The following GRM4 variants were observed in gnomAD, a reference collection of about 807,000 sequenced individuals.
GRM4 encodes the protein glutamate metabotropic receptor 4.
Under a neutral mutation model 81.7 loss-of-function variants are expected in GRM4, and 28 were observed. The ratio of observed to expected loss-of-function variants is 0.34; its 90% CI spans 0.25 to 0.47. The LOEUF (loss-of-function observed/expected upper bound fraction) is 0.47, where lower values mean the gene tolerates loss of function less well. Ranked by LOEUF, GRM4 falls within the 20% of genes least tolerant of loss-of-function variation. The pLI is 1.00. For synonymous variants in GRM4, 488 were observed against 528.8 expected, an observed-to-expected ratio of 0.92 and a Z score of 1.06; for missense variants, 948 against 1,290.0, an observed-to-expected ratio of 0.73 and a Z score of 4.06.
At chr6:34,113,492 C>A (rs961626937) in intron 2 of GRM4, among the ~76,000 whole-genome samples, 1 of 152,190 alleles carries the variant, frequency 6.6e-6, no homozygotes, top group Admixed American at 6.5e-5. Context: ...TGTTGAAATG[C>A]CCACTTTATA....
Position 34,018,737 on chromosome 6 carries a change from T to A in GRM4, c.*4084A>T, listed in dbSNP as rs1763766155. On this transcript the variant is annotated 3_prime_UTR_variant, in exon 11 of 11. Transcript: ENST00000538487. ...TTACCTAAAAATAAAGCAAGAAGCC[T>A]CATTACATGCTAATTGCTGCTTTTG... 6.6e-6 allele frequency: 1 copy of A among 152,146 alleles called. No homozygotes were observed. Among genetic ancestry groups the A allele is most frequent in the Non-Finnish European group, 1.5e-5 (1 of 68,022 alleles). The allele number at this position is 152,146 out of a possible 1,614,324, so 9.4% of individuals were successfully genotyped here.
intron 1 of GRM4, among the ~76,000 whole-genome samples, chr6:34,142,213 C>T (rs1192206541): frequency 2.0e-5 from 3 of 152,182 alleles, no homozygotes; most frequent in African/African-American, 7.2e-5. Context: ...CTTCTGCAGC[C>T]CCGGTGAGTG....
chr6:34,027,982 C>T, intron 10 of GRM4, 138 bp downstream of exon 10: 2 of 935,020 alleles, frequency 2.1e-6, no homozygotes, highest in Non-Finnish European at 3.1e-6. Flanking sequence ...CCTCAGGGTT[C>T]CCCCAGTGTC....
intron 2 of GRM4, among the ~76,000 whole-genome samples, chr6:34,123,786 C>T (rs1050924725): frequency 2.0e-5 from 3 of 152,236 alleles, no homozygotes; most frequent in Non-Finnish European, 4.4e-5. Flanking sequence ...GGTATGAACC[C>T]AGGCCAGCTG....
At chr6:34,072,548 C>T (rs1445883498) in intron 3 of GRM4, among the ~76,000 whole-genome samples, 1 of 152,182 alleles carries the variant, frequency 6.6e-6, no homozygotes, top group Non-Finnish European at 1.5e-5. Context: ...CACAGACTCA[C>T]ACATCACCAC....
At chr6:34,154,590 T>TACACACACAC (rs57603011) in intron 1 of GRM4, among the ~76,000 whole-genome samples, 1,756 of 145,062 alleles carry the variant, frequency 0.012, 29 homozygotes, top group African/African-American at 0.038. Context: ...TGGTCCTGAC[T>TACACACACAC]ACACACACAC....
At chr6:34,053,067 T>A (rs184851094) in intron 6 of GRM4, among the ~76,000 whole-genome samples, 11 of 152,300 alleles carry the variant, frequency 7.2e-5, no homozygotes, top group Admixed American at 7.2e-4. Context: ...ACAATCATTT[T>A]ATCAGCACCT....
intron 4 of GRM4, chr6:34,061,445 G>C (rs1457647939): frequency 6.5e-6 from 1 of 154,826 alleles, no homozygotes; most frequent in African/African-American, 2.4e-5. Context: ...CTTACTCTAA[G>C]CCTTTTATGC....
At chr6:34,044,923 TAC>T (rs775343809) in intron 6 of GRM4, among the ~76,000 whole-genome samples, 5 of 149,762 alleles carry the variant, frequency 3.3e-5, no homozygotes, top group African/African-American at 5.0e-5. Context: ...TACACATATA[TAC>T]ACAGACACAC....
rs1435307008 is a variant in GRM4 at position 34,059,396 on chromosome 6, A to G, written c.873-268T>C. The G allele has an allele frequency of 2.0e-6, 1 of 498,116 alleles. No individual in the cohort carries two copies. Among genetic ancestry groups the G allele is most frequent in the South Asian group, 2.2e-5 (1 of 46,278 alleles). 30.9% of individuals were successfully genotyped at this position (498,116 alleles called of 1,614,324 possible). A position where few individuals can be genotyped will look rare whatever the true frequency, so the allele number is the denominator to read the frequency against. ...GCCCAGCGTGATTCTCCAGGCCTAC[A>G]TCTGTCCCTGCAAAGACCACACCTC... On this transcript the variant is annotated intron_variant, in intron 4 of 10. Transcript: ENST00000538487. This position sits in a 1 kb window ranked among gnomAD's most constrained non-coding sequence, Gnocchi z 5.7.
intron 8 of GRM4, among the ~76,000 whole-genome samples, chr6:34,037,857 G>A (rs559103110): frequency 1.1e-4 from 9 of 82,598 alleles, no homozygotes; most frequent in African/African-American, 3.2e-4. Context: ...GCAAGATTCC[G>A]TCTCAAAAAA....
Position 34,102,092 on chromosome 6 carries a change from G to A in GRM4, c.520-9993C>T, listed in dbSNP as rs1480198153. 3 of 1,535,492 alleles carry A rather than the reference G, an allele frequency of 2.0e-6. No homozygotes were observed. The East Asian group carries it at 7.3e-5, about 38-fold the overall frequency. The stretch of plus-strand genomic sequence containing the variant: ...CTTTTTTCTCTTGGCGCCATCATGG[G>A]GAAATAGCTTGGGAAGAGTTTGCAC... On this transcript the variant is annotated intron_variant, in intron 2 of 10. Transcript: ENST00000538487.
In GRM4 at chr6:34,115,158, C is replaced by T. The variant is rs1379682726; in HGVS notation, c.519+17820G>A. Reference sequence around the variant, plus strand: ...AGAGGTGGTCAGGGCCCTGCCTAAACGCCAACACGCTGCCTCTGGGCCAGC... The same window carrying T: ...AGAGGTGGTCAGGGCCCTGCCTAAATGCCAACACGCTGCCTCTGGGCCAGC... On this transcript the variant is annotated intron_variant, in intron 2 of 10. Transcript: ENST00000538487. This position sits in a 1 kb window ranked among gnomAD's most constrained non-coding sequence, Gnocchi z 4.1. 2.0e-5 allele frequency among the ~76,000 whole-genome samples: 3 copies of T among 152,200 alleles called. No homozygotes were observed. The highest frequency in any genetic ancestry group is 2.1e-4 in the South Asian group (1 of 4,838).
At chr6:34,072,117 C>CCACAGACACA (rs1766928429) in intron 3 of GRM4, among the ~76,000 whole-genome samples, 1 of 116,208 alleles carries the variant, frequency 8.6e-6, no homozygotes, top group Non-Finnish European at 1.8e-5. Flanking sequence ...CAGATACACA[C>CCACAGACACA]CACACATAGA....
chr6:34,118,484 C>T (rs1280164958), intron 2 of GRM4, among the ~76,000 whole-genome samples: 4 of 152,158 alleles, frequency 2.6e-5, no homozygotes, highest in Non-Finnish European at 5.9e-5. Flanking sequence ...GAGGTGGCCC[C>T]CCACACATTA....
upstream of GRM4, among the ~76,000 whole-genome samples, chr6:34,149,881 G>A (rs964970555): frequency 3.3e-5 from 5 of 152,104 alleles, no homozygotes; most frequent in Non-Finnish European, 5.9e-5. Flanking sequence ...CATAGTTTTC[G>A]GCAACTCAAC....
intron 6 of GRM4, chr6:34,055,022 G>A (rs1422836172): frequency 2.0e-5 from 3 of 152,110 alleles, no homozygotes; most frequent in Non-Finnish European, 4.4e-5. Context: ...GAGCAGCCTC[G>A]GGCAAGTCAC....
chr6:34,077,715 C>T (rs1767387345), intron 3 of GRM4, among the ~76,000 whole-genome samples: 1 of 152,110 alleles, frequency 6.6e-6, no homozygotes, highest in African/African-American at 2.4e-5. Flanking sequence ...AGACTCTTTG[C>T]TCTGCCTTTG....
intron 2 of GRM4, among the ~76,000 whole-genome samples, chr6:34,096,490 A>T (rs1027546866): frequency 6.6e-6 from 1 of 152,220 alleles, no homozygotes; most frequent in Non-Finnish European, 1.5e-5. Context: ...CTGCCTACTC[A>T]TCAATTCAAC....
Sources: allele counts gnomAD v4.1 joint callset (sites outside exome capture counted in the v4.1 genomes callset), GRCh38; gene constraint gnomAD v4.1.1; non-coding constraint Gnocchi (gnomAD v3.1); transcripts MANE v1.5; gene names NCBI Gene and HGNC (gene_info 2026-07-23, HGNC 2026-07-21).